The following EIF4G3 variants were observed in gnomAD, a reference collection of about 807,000 sequenced individuals.
EIF4G3 encodes the protein eIF-4-gamma 3.
EIF4G3 carries 34 observed loss-of-function variants against 186.4 expected under a neutral mutation model. That is an observed-to-expected ratio of 0.18 (90% CI 0.14 to 0.24). The LOEUF (loss-of-function observed/expected upper bound fraction) is 0.24, where lower values mean the gene tolerates loss of function less well. EIF4G3 is among the 10% of genes least tolerant of loss of function. The pLI, the probability that EIF4G3 is intolerant of heterozygous loss-of-function variation, is 1.00. For missense variants in EIF4G3, 1,536 were observed against 1,948.5 expected (o/e 0.79, Z 3.99); for synonymous variants, 673 against 679.5 (o/e 0.99, Z 0.15).
At chr1:21,115,081 ATATCT>A (rs1558030906) in intron 2 of EIF4G3, among the ~76,000 whole-genome samples, 3 of 152,184 alleles carry the variant, frequency 2.0e-5, no homozygotes, top group Non-Finnish European at 4.4e-5. Flanking sequence ...AGGGCAAAAA[ATATCT>A]TAGTATAATC....
intron 10 of EIF4G3, among the ~76,000 whole-genome samples, chr1:20,976,068 G>A (rs1239202911): frequency 6.6e-6 from 1 of 151,124 alleles, no homozygotes; most frequent in Non-Finnish European, 1.5e-5. Context: ...TATAAAAAGT[G>A]TCAATGATGT....
At chr1:21,111,566 C>A (rs2096726781) in intron 2 of EIF4G3, 1 of 305,950 alleles carries the variant, frequency 3.3e-6, no homozygotes, top group Admixed American at 4.5e-5. Context: ...GATCTCCTAA[C>A]TTCATTCTTT....
downstream of EIF4G3, chr1:20,806,424 C>G (rs563263591): frequency 6.5e-6 from 1 of 152,766 alleles, no homozygotes; most frequent in East Asian, 1.9e-4. Context: ...AGACAGCACC[C>G]CCAGGAATGG....
chr1:20,914,543 T>C (rs1372490801), intron 14 of EIF4G3, among the ~76,000 whole-genome samples: 2 of 152,186 alleles, frequency 1.3e-5, no homozygotes, highest in Non-Finnish European at 1.5e-5. Context: ...ACCTTGATTT[T>C]TGGCCCAAAT....
intron 4 of EIF4G3, among the ~76,000 whole-genome samples, chr1:21,048,043 T>C (rs1369304846): frequency 2.6e-5 from 4 of 152,168 alleles, no homozygotes; most frequent in Non-Finnish European, 5.9e-5. Context: ...AACACAATAT[T>C]TGGTGGCCAT....
intron 13 of EIF4G3, among the ~76,000 whole-genome samples, chr1:20,948,586 A>G (rs551394393): frequency 2.6e-5 from 4 of 152,354 alleles, no homozygotes; most frequent in East Asian, 3.9e-4. Context: ...GTAAAAATCA[A>G]TGAAATCATG....
intron 2 of EIF4G3, among the ~76,000 whole-genome samples, chr1:21,132,563 T>C (rs929911329): frequency 6.6e-5 from 10 of 151,794 alleles, no homozygotes; most frequent in African/African-American, 2.2e-4. Context: ...GCCTCCCAAG[T>C]ATTATAGCTA....
chr1:20,853,448 G>T, intron 27 of EIF4G3, 112 bp downstream of exon 27: 1 of 630,460 alleles, frequency 1.6e-6, no homozygotes, highest in South Asian at 2.1e-5. Context: ...TCAACTTTAG[G>T]AATAAAAGGA....
chr1:21,002,755 T>A lies in EIF4G3; in HGVS notation c.-13A>T. The stretch of plus-strand genomic sequence containing the variant: ...GTTGTGAATTCATTGTCTGAGGGGT[T>A]TGAGGGTATACCAGCGTGGTTGGAC... On this transcript the variant is annotated 5_prime_UTR_variant, in exon 5 of 37. Coordinates refer to ENST00000602326, the MANE Select transcript of EIF4G3 (RefSeq NM_001391906.1). 6.2e-7 allele frequency: 1 copy of A among 1,613,826 alleles called. No homozygotes were observed. The highest frequency in any genetic ancestry group is 8.5e-7 in the Non-Finnish European group (1 of 1,179,868).
chr1:20,892,550 A>G (rs2086442510), intron 18 of EIF4G3: 1 of 1,128,820 alleles, frequency 8.9e-7, no homozygotes, highest in Non-Finnish European at 1.3e-6. Flanking sequence ...ATAGTAAATA[A>G]AAAGAGCGTA....
intron 12 of EIF4G3, among the ~76,000 whole-genome samples, chr1:20,968,953 G>A (rs1256603716): frequency 2.0e-5 from 3 of 152,134 alleles, no homozygotes; most frequent in Non-Finnish European, 2.9e-5. Context: ...TGTAATTAAA[G>A]AAGACACTCT....
intron 14 of EIF4G3, among the ~76,000 whole-genome samples, chr1:20,914,134 C>G (rs899181126): frequency 6.6e-6 from 1 of 151,162 alleles, no homozygotes; most frequent in African/African-American, 2.4e-5. Context: ...CTAACAGTTG[C>G]GGTTAGTGAT....
chr1:20,969,674 G>T, intron 11 of EIF4G3, 78 bp from the exon 12 acceptor site: 2 of 1,389,278 alleles, frequency 1.4e-6, no homozygotes, highest in Non-Finnish European at 2.0e-6. Flanking sequence ...GTGAGTTAAA[G>T]GTGCAAACTG....
intron 2 of EIF4G3, among the ~76,000 whole-genome samples, chr1:21,142,500 C>G (rs555103339): frequency 6.6e-6 from 1 of 152,068 alleles, no homozygotes; most frequent in Non-Finnish European, 1.5e-5. Flanking sequence ...GAGTGAGACC[C>G]TAGCTCCCCA....
intron 4 of EIF4G3, among the ~76,000 whole-genome samples, chr1:21,044,639 T>C (rs990616727): frequency 1.9e-4 from 1 of 5,352 alleles, no homozygotes; most frequent in African/African-American, 1.9e-4. Context: ...CTTCATTCGT[T>C]TTTTTTTTTG....
chr1:21,088,426 T>TAAAA (rs75903671), intron 3 of EIF4G3, among the ~76,000 whole-genome samples: 5 of 151,294 alleles, frequency 3.3e-5, no homozygotes, highest in Non-Finnish European at 4.4e-5. Context: ...TCTCAAAATT[T>TAAAA]AAAAAAAAAG....
In EIF4G3 at chr1:20,886,287, C is replaced by T; in HGVS notation, c.2338G>A (p.Val780Ile). The T allele has an allele frequency of 6.2e-7, 1 of 1,613,998 alleles. No individual in the cohort carries two copies. Among genetic ancestry groups the T allele is most frequent in the Middle Eastern group, 1.6e-4 (1 of 6,062 alleles). ...KIITVSVKEDVHLKKAENAWK... is the reference protein window; with the variant it reads ...KIITVSVKEDIHLKKAENAWK... ...GCATTTTCTGCCTTTTTCAGGTGTACATCTTCTTTTACAGAAACTGTGATG... is the reference window on the plus strand; with the variant it reads ...GCATTTTCTGCCTTTTTCAGGTGTATATCTTCTTTTACAGAAACTGTGATG... Residue 780 changes from valine to isoleucine, a missense_variant, in exon 19 of 37, where the codon GTA becomes ATA. Physicochemically the swap from Val to Ile is conservative, Grantham distance 29. Transcript: ENST00000602326.
rs1487567697 is a variant in EIF4G3, at chr1:21,176,250, G to A, written c.-347C>T. On this transcript the variant is annotated 5_prime_UTR_variant, in exon 2 of 37. Transcript: ENST00000602326. ...GACCGCTGCCGCCGCCGCCGCCGCC[G>A]CCGCCGCCGCCGCCGCTGCTGCCGC... 2.6e-6 allele frequency: 1 copy of A among 377,380 alleles called. No homozygotes were observed. Among genetic ancestry groups the A allele is most frequent in the Admixed American group, 4.7e-5 (1 of 21,474 alleles). The allele number at this position is 377,380 out of a possible 1,614,324, so 23.4% of individuals were successfully genotyped here. A position where few individuals can be genotyped will look rare whatever the true frequency, so the allele number is the denominator to read the frequency against.
intron 14 of EIF4G3, among the ~76,000 whole-genome samples, chr1:20,919,050 T>G (rs1195281919): frequency 6.6e-6 from 1 of 152,176 alleles, no homozygotes; most frequent in Non-Finnish European, 1.5e-5. Context: ...TTTTGGTTAT[T>G]TGTTCTTTCT....
Sources: allele counts gnomAD v4.1 joint callset (sites outside exome capture counted in the v4.1 genomes callset), GRCh38; gene constraint gnomAD v4.1.1; transcripts MANE v1.5; gene names NCBI Gene and HGNC (gene_info 2026-07-23, HGNC 2026-07-21).